The following SSPN variants were observed in gnomAD, a reference collection of about 807,000 sequenced individuals.
SSPN encodes the protein sarcospan, also known as K-ras oncogene-associated protein.
SSPN carries 15 observed loss-of-function variants against 19.1 expected under a neutral mutation model. The ratio of observed to expected loss-of-function variants is 0.78; its 90% CI spans 0.52 to 1.21. SSPN has a LOEUF of 1.21. Ranked by LOEUF, SSPN falls within the 50% of genes most tolerant of loss-of-function variation. The pLI, the probability that SSPN is intolerant of heterozygous loss-of-function variation, is 0.00. For missense variants in SSPN, 291 were observed against 314.0 expected, an observed-to-expected ratio of 0.93 and a Z score of 0.55; for synonymous variants, 147 against 140.3, an observed-to-expected ratio of 1.05 and a Z score of -0.34.
At chr12:26,175,150 T>A (rs1178110682) in intron 1 of SSPN, among the ~76,000 whole-genome samples, 1 of 152,242 alleles carries the variant, frequency 6.6e-6, no homozygotes, top group Non-Finnish European at 1.5e-5. Context: ...GTGTAGCATT[T>A]TGTATGCCTA....
upstream of SSPN, among the ~76,000 whole-genome samples, chr12:26,194,447 ATG>A (rs1417371536): frequency 6.6e-6 from 1 of 152,224 alleles, no homozygotes; most frequent in Non-Finnish European, 1.5e-5. Flanking sequence ...GTGCAGTGCC[ATG>A]ATCACGGCTC....
chr12:26,126,826 A>G (rs2137393564), intron 1 of SSPN, among the ~76,000 whole-genome samples: 1 of 152,294 alleles, frequency 6.6e-6, no homozygotes, highest in Non-Finnish European at 1.5e-5. Flanking sequence ...TTCCTCAAAT[A>G]GAGGAACGTA....
intron 1 of SSPN, among the ~76,000 whole-genome samples, chr12:26,199,426 C>A (rs1282559440): frequency 1.3e-5 from 2 of 152,140 alleles, no homozygotes; most frequent in African/African-American, 2.4e-5. Context: ...ACTACGTAAC[C>A]TGTAAAAGTG....
At chr12:26,165,892 G>A (rs796584684) in intron 1 of SSPN, among the ~76,000 whole-genome samples, 19 of 152,312 alleles carry the variant, frequency 1.2e-4, no homozygotes, top group African/African-American at 4.3e-4. Context: ...ACTAAGGTTA[G>A]ATGAAGAAAT....
chr12:26,158,797 G>T (rs1000692005), intron 1 of SSPN, among the ~76,000 whole-genome samples: 1 of 152,242 alleles, frequency 6.6e-6, no homozygotes, highest in Admixed American at 6.5e-5. Context: ...AAAGCAAGGT[G>T]TTGTGAGTCT....
intron 1 of SSPN, among the ~76,000 whole-genome samples, chr12:26,149,309 A>G (rs1944511305): frequency 6.6e-6 from 1 of 152,232 alleles, no homozygotes; most frequent in Admixed American, 6.5e-5. Flanking sequence ...TACATCTACA[A>G]TTCCTTGTAT....
chr12:26,124,076 A>C, intron 1 of SSPN: 1 of 1,598,842 alleles, frequency 6.3e-7, no homozygotes, highest in South Asian at 1.1e-5. Flanking sequence ...TCTTACTGTC[A>C]ATTTCAGATG....
At chr12:26,161,978 G>A (rs552080783) in intron 1 of SSPN, among the ~76,000 whole-genome samples, 84 of 152,194 alleles carry the variant, frequency 5.5e-4, no homozygotes, top group Admixed American at 1.6e-3. Flanking sequence ...GTACCAGTCC[G>A]TGGCCCGGGG....
At chr12:26,127,233 G>A (rs762728293) in intron 1 of SSPN, among the ~76,000 whole-genome samples, 4 of 152,222 alleles carry the variant, frequency 2.6e-5, no homozygotes, top group Non-Finnish European at 5.9e-5. Context: ...GCCTCGTCGG[G>A]CTAAAAACAC....
chr12:26,184,081 T>G (rs892077682), intron 1 of SSPN, among the ~76,000 whole-genome samples: 2 of 152,152 alleles, frequency 1.3e-5, no homozygotes, highest in Non-Finnish European at 2.9e-5. Context: ...GAGGGTATGC[T>G]GGAATCCAAT....
intron 1 of SSPN, among the ~76,000 whole-genome samples, chr12:26,173,400 G>A (rs1452203474): frequency 1.3e-5 from 2 of 152,174 alleles, no homozygotes; most frequent in African/African-American, 4.8e-5. Flanking sequence ...TGTAACTACA[G>A]ATTCAGCCAC....
chr12:26,193,364 C>T (rs1468934563), upstream of SSPN, among the ~76,000 whole-genome samples: 1 of 152,110 alleles, frequency 6.6e-6, no homozygotes, highest in Non-Finnish European at 1.5e-5. Context: ...TTCTGATACT[C>T]AAATTTTTTC....
intron 1 of SSPN, chr12:26,126,613 C>G (rs1185161134): frequency 6.6e-6 from 1 of 152,134 alleles, no homozygotes; most frequent in African/African-American, 2.4e-5. Flanking sequence ...GCGGGAGTCG[C>G]GTCTCCTCCC....
intron 1 of SSPN, among the ~76,000 whole-genome samples, chr12:26,221,332 G>A (rs1945118378): frequency 6.6e-6 from 1 of 152,148 alleles, no homozygotes; most frequent in African/African-American, 2.4e-5. Flanking sequence ...TATAGCAGAT[G>A]TAGTCCTAGT....
intron 1 of SSPN, among the ~76,000 whole-genome samples, chr12:26,131,995 A>T (rs571742369): frequency 6.6e-6 from 1 of 152,118 alleles, no homozygotes; most frequent in East Asian, 1.9e-4. Flanking sequence ...CTATCCAAGC[A>T]TTTCACCTTC....
intron 1 of SSPN, among the ~76,000 whole-genome samples, chr12:26,166,453 G>A (rs1360977350): frequency 6.6e-6 from 1 of 152,164 alleles, no homozygotes; most frequent in East Asian, 1.9e-4. Context: ...TAAAAAACTG[G>A]CTGATTGTAC....
intron 1 of SSPN, among the ~76,000 whole-genome samples, chr12:26,209,373 C>T (rs547867874): frequency 2.6e-5 from 4 of 152,160 alleles, no homozygotes; most frequent in African/African-American, 9.6e-5. Context: ...GTTCTATACT[C>T]AATTTTAAAA....
chr12:26,173,567 T>C (rs1048017644), intron 1 of SSPN, among the ~76,000 whole-genome samples: 3 of 152,212 alleles, frequency 2.0e-5, no homozygotes, highest in Non-Finnish European at 4.4e-5. Context: ...CTTACTCTTA[T>C]AGGTTTCTTC....
chr12:26,217,207 G>T (rs1945062958), intron 1 of SSPN, among the ~76,000 whole-genome samples: 1 of 119,040 alleles, frequency 8.4e-6, no homozygotes, highest in African/African-American at 3.2e-5. Context: ...CTACCCATGA[G>T]CATGGAATGT....
Sources: gnomAD v4.1 joint callset for allele counts (sites outside exome capture counted in the v4.1 genomes callset) on GRCh38, gnomAD v4.1.1 for gene constraint, MANE v1.5 for transcripts, NCBI Gene and HGNC (gene_info 2026-07-23, HGNC 2026-07-21) for gene names.